Variants in NIPAL3 observed in about 807,000 individuals in gnomAD.
NIPAL3 encodes the protein NIPA like domain containing 3, also known as NIPA-like protein 3.
In NIPAL3, 41 loss-of-function variants were observed where a neutral mutation model predicts 47.2. That is an observed-to-expected ratio of 0.87 (90% CI 0.68 to 1.13). The LOEUF (loss-of-function observed/expected upper bound fraction) is 1.13. NIPAL3 is among the 50% of genes most tolerant of loss of function. NIPAL3 has a pLI of 0.00. For synonymous variants in NIPAL3, 194 were observed against 209.6 expected (o/e 0.93, Z 0.64); for missense variants, 449 against 530.1 (o/e 0.85, Z 1.50).
At chr1:24,461,124 A>T (rs142415127) in intron 10 of NIPAL3, among the ~76,000 whole-genome samples, 1 of 152,388 alleles carries the variant, frequency 6.6e-6, no homozygotes, top group Admixed American at 6.5e-5. Flanking sequence ...AATGCTCAGC[A>T]GTAGAATACA....
chr1:24,461,268 G>A (rs1266079899), intron 10 of NIPAL3, among the ~76,000 whole-genome samples: 3 of 152,172 alleles, frequency 2.0e-5, no homozygotes, highest in African/African-American at 7.2e-5. Flanking sequence ...CAGGCTGGGA[G>A]AGGTGGCTCA....
At position 24,469,270 on chromosome 1, in the gene NIPAL3, ATTTT is replaced by A; in HGVS notation, c.*86_*89del. 2 of 1,159,752 alleles carry A rather than the reference ATTTT, an allele frequency of 1.7e-6. No individual in the cohort carries two copies. The highest frequency in any genetic ancestry group is 2.4e-6 in the Non-Finnish European group (2 of 828,164). The allele number at this position is 1,159,752 out of a possible 1,614,324, so 71.8% of individuals were successfully genotyped here. A position where few individuals can be genotyped will look rare whatever the true frequency, so the allele number is the denominator to read the frequency against. ...TCCTAAAACTTGCCTTTCAAGTCTC[ATTTT>A]GTTTCTAACTGAGAACTCTATGGAT... On this transcript the variant is annotated 3_prime_UTR_variant, in exon 12 of 12. Transcript: ENST00000374399.
At chr1:24,452,853 ATTTTTT>A (rs3054551) in intron 6 of NIPAL3, among the ~76,000 whole-genome samples, 13 of 124,216 alleles carry the variant, frequency 1.0e-4, no homozygotes, top group African/African-American at 3.4e-4. Flanking sequence ...CGCCCAGCTA[ATTTTTT>A]TTTTTTTTTT....
At chr1:24,466,206 A>G in intron 11 of NIPAL3, 7 of 965,838 alleles carry the variant, frequency 7.2e-6, no homozygotes, top group Non-Finnish European at 1.1e-5. Flanking sequence ...GAACAGAAAC[A>G]ATTTCACAGA....
At chr1:24,438,749 C>T (rs972598456) in intron 2 of NIPAL3, among the ~76,000 whole-genome samples, 1 of 152,208 alleles carries the variant, frequency 6.6e-6, no homozygotes, top group African/African-American at 2.4e-5. Flanking sequence ...AGGATTTCAC[C>T]AGGGAGGGGA....
chr1:24,466,425 T>G (rs2148866089), intron 11 of NIPAL3: 1 of 168,404 alleles, frequency 5.9e-6, no homozygotes, highest in East Asian at 1.6e-4. Flanking sequence ...CCTCTGACCT[T>G]GCTAATGTGA....
chr1:24,445,626 T>C (rs1445630456), intron 5 of NIPAL3, among the ~76,000 whole-genome samples: 9 of 152,074 alleles, frequency 5.9e-5, no homozygotes, highest in Non-Finnish European at 1.5e-5. Context: ...ATTAGAGCAT[T>C]TTAGGTGAGC....
chr1:24,436,343 G>A (rs1645106109), intron 2 of NIPAL3, among the ~76,000 whole-genome samples: 1 of 151,864 alleles, frequency 6.6e-6, no homozygotes, highest in African/African-American at 2.4e-5. Context: ...TTTCCAGAGT[G>A]CTGGCTTCTT....
intron 8 of NIPAL3, 92 bp downstream of exon 8, chr1:24,456,365 G>A (rs186028089): frequency 8.4e-6 from 13 of 1,550,624 alleles, no homozygotes; most frequent in East Asian, 2.2e-5. Flanking sequence ...GCCACAAGGA[G>A]GCCAGAACAT....
At chr1:24,417,592 C>T (rs565254873) in intron 1 of NIPAL3, among the ~76,000 whole-genome samples, 15 of 152,310 alleles carry the variant, frequency 9.8e-5, no homozygotes, top group African/African-American at 3.6e-4. Context: ...CCGGTGAATG[C>T]TTACATCTCA....
intron 2 of NIPAL3, among the ~76,000 whole-genome samples, chr1:24,427,563 A>AT (rs200206094): frequency 5.3e-5 from 8 of 151,480 alleles, no homozygotes; most frequent in African/African-American, 9.7e-5. Context: ...TGATAAGGTT[A>AT]TTTTTTTTTC....
intron 6 of NIPAL3, among the ~76,000 whole-genome samples, chr1:24,450,371 A>G (rs1322368484): frequency 6.6e-6 from 1 of 152,146 alleles, no homozygotes; most frequent in African/African-American, 2.4e-5. Context: ...CCATTTAAGA[A>G]TGTTATTTTA....
At chr1:24,423,063 C>T (rs924568989) in intron 2 of NIPAL3, among the ~76,000 whole-genome samples, 2 of 152,232 alleles carry the variant, frequency 1.3e-5, no homozygotes, top group Non-Finnish European at 2.9e-5. Flanking sequence ...ATCACCCTCT[C>T]TTCAAGTCAG....
intron 4 of NIPAL3, 85 bp downstream of exon 4, chr1:24,442,311 T>A (rs906482716): frequency 4.1e-6 from 6 of 1,454,224 alleles, no homozygotes; most frequent in Non-Finnish European, 5.6e-6. Flanking sequence ...AGGTGCCCAT[T>A]GAACAAACCA....
At chr1:24,439,536 T>C (rs914889825) in intron 2 of NIPAL3, among the ~76,000 whole-genome samples, 1 of 152,154 alleles carries the variant, frequency 6.6e-6, no homozygotes, top group Admixed American at 6.5e-5. Flanking sequence ...GGTGTTGTTA[T>C]TGTTATTTTT....
At chr1:24,427,349 A>G (rs1644638202) in intron 2 of NIPAL3, among the ~76,000 whole-genome samples, 1 of 152,156 alleles carries the variant, frequency 6.6e-6, no homozygotes, top group East Asian at 1.9e-4. Context: ...ATGCTCATAA[A>G]ATTGGACCCG....
At chr1:24,462,316 A>G (rs772587070) in intron 10 of NIPAL3, among the ~76,000 whole-genome samples, 11 of 152,244 alleles carry the variant, frequency 7.2e-5, no homozygotes, top group Non-Finnish European at 1.5e-4. Context: ...CAGCCAAACC[A>G]TATCAGCATC....
Position 24,454,602 on chromosome 1 carries a change from G to A in NIPAL3, c.637+1098G>A, listed in dbSNP as rs183051620. ...ATACCATAAAGTTCACCTGTTTAAA[G>A]TATACAATTCAGTGGTTTTTAGTAT... On this transcript the variant is annotated intron_variant, in intron 7 of 11. Coordinates refer to ENST00000374399, the MANE Select transcript of NIPAL3 (RefSeq NM_020448.5). This position sits in a 1 kb window ranked among gnomAD's most constrained non-coding sequence, Gnocchi z 4.1. 1.3e-5 allele frequency: 12 copies of A among 933,172 alleles called. No individual in the cohort carries two copies. In the African/African-American group the frequency reaches 2.0e-4, roughly 15 times the overall value. 57.8% of individuals were successfully genotyped at this position (933,172 alleles called of 1,614,324 possible).
intron 1 of NIPAL3, among the ~76,000 whole-genome samples, chr1:24,418,018 G>T (rs570389304): frequency 4.5e-4 from 68 of 152,288 alleles, no homozygotes; most frequent in Non-Finnish European, 7.5e-4. Context: ...CACATTCATG[G>T]ACCATTTGCT....
Sources: gnomAD v4.1 joint callset for allele counts (sites outside exome capture counted in the v4.1 genomes callset) on GRCh38, gnomAD v4.1.1 for gene constraint, Gnocchi (gnomAD v3.1) non-coding constraint, MANE v1.5 for transcripts, NCBI Gene and HGNC (gene_info 2026-07-23, HGNC 2026-07-21) for gene names.